KCNB2: variants seen among roughly 807,000 people sequenced by gnomAD.
KCNB2 encodes the protein delayed rectifier potassium channel protein.
In KCNB2, 15 loss-of-function variants were observed where a neutral mutation model predicts 61.5. That is an observed-to-expected ratio of 0.24 (90% CI 0.16 to 0.38). The LOEUF (loss-of-function observed/expected upper bound fraction) is 0.38, where lower values mean the gene tolerates loss of function less well. Ranked by LOEUF, KCNB2 falls within the 10% of genes least tolerant of loss-of-function variation. The probability of loss-of-function intolerance (pLI) is 1.00; values close to 1 mark genes in which losing one functional copy is unlikely to be tolerated. For synonymous variants in KCNB2, 457 were observed against 446.0 expected (o/e 1.02, Z -0.31); for missense variants, 828 against 1,125.2 (o/e 0.74, Z 3.78).
chr8:72,660,416 T>G (rs1806359917), intron 2 of KCNB2, among the ~76,000 whole-genome samples: 2 of 152,210 alleles, frequency 1.3e-5, no homozygotes, highest in Non-Finnish European at 2.9e-5. Flanking sequence ...CCTGACTTCC[T>G]GTGCCATCAC....
intron 1 of KCNB2, among the ~76,000 whole-genome samples, chr8:72,542,737 A>G (rs994330847): frequency 6.6e-6 from 1 of 152,166 alleles, no homozygotes; most frequent in Non-Finnish European, 1.5e-5. Context: ...AGGAAGCGAT[A>G]TAAGAGTGAT....
intron 2 of KCNB2, among the ~76,000 whole-genome samples, chr8:72,841,356 C>A: frequency 1.0e-5 from 1 of 99,784 alleles, no homozygotes; most frequent in African/African-American, 4.5e-5. Flanking sequence ...ACTTTGTTTT[C>A]TTTTCTTTTT....
At chr8:72,821,165 C>G (rs1188868259) in intron 2 of KCNB2, among the ~76,000 whole-genome samples, 1 of 152,192 alleles carries the variant, frequency 6.6e-6, no homozygotes, top group Non-Finnish European at 1.5e-5. Flanking sequence ...CTGCGACTTT[C>G]TTTTGCTCCT....
chr8:72,840,712 A>C (rs1403128086), intron 2 of KCNB2, among the ~76,000 whole-genome samples: 2 of 152,168 alleles, frequency 1.3e-5, no homozygotes, highest in African/African-American at 4.8e-5. Context: ...TCTTCTTTTG[A>C]GAAGTGTCTG....
Position 72,937,684 on chromosome 8 carries a change from T to G in KCNB2, c.2329T>G (p.Cys777Gly), listed in dbSNP as rs1320153769. ...PLLGTEVSAP[C>G]QGPSKGLSPR... ...GCTGGGCACTGAGGTTTCAGCGCCT[T>G]GTCAGGGACCTTCCAAAGGGCTGTC... The change falls in exon 3 of 3, where the codon TGT becomes GGT. Residue 777 changes from cysteine to glycine, a missense_variant. By Grantham distance (159) the Cys-to-Gly change is radical. Transcript: ENST00000523207. 1.2e-6 allele frequency: 2 copies of G among 1,613,954 alleles called. No individual in the cohort carries two copies. Among genetic ancestry groups the G allele is most frequent in the Non-Finnish European group, 1.7e-6 (2 of 1,179,966 alleles).
intron 2 of KCNB2, among the ~76,000 whole-genome samples, chr8:72,828,945 C>T (rs1002954): frequency 0.2 from 30,237 of 152,046 alleles, 3,743 homozygotes; most frequent in Non-Finnish European, 0.28. Flanking sequence ...TGTATGTTGA[C>T]CTGTGTGCAT....
intron 2 of KCNB2, among the ~76,000 whole-genome samples, chr8:72,907,426 GGAGGAGGAGGAA>G (rs897300447): frequency 6.6e-6 from 1 of 151,942 alleles, no homozygotes; most frequent in African/African-American, 2.4e-5. Context: ...AAAAGTAGAA[GGAGGAGGAGGAA>G]GAGGAAGAGG....
At chr8:72,616,791 G>A (rs1805625885) in intron 2 of KCNB2, among the ~76,000 whole-genome samples, 1 of 152,198 alleles carries the variant, frequency 6.6e-6, no homozygotes, top group Admixed American at 6.5e-5. Flanking sequence ...GGAGCACAGA[G>A]AGAAAATTAA....
intron 2 of KCNB2, among the ~76,000 whole-genome samples, chr8:72,599,757 AC>A (rs1203983044): frequency 6.6e-6 from 1 of 152,182 alleles, no homozygotes; most frequent in Admixed American, 6.5e-5. Flanking sequence ...CAATAAAAAA[AC>A]AAACAACCCC....
At chr8:72,745,636 C>T (rs1290306501) in intron 2 of KCNB2, among the ~76,000 whole-genome samples, 1 of 152,164 alleles carries the variant, frequency 6.6e-6, no homozygotes, top group African/African-American at 2.4e-5. Flanking sequence ...CAACCATGGA[C>T]ATTCAACCTG....
chr8:72,704,744 C>T lies in KCNB2; in HGVS notation c.579+136431C>T, dbSNP rs957017033. 5.9e-5 allele frequency among the ~76,000 whole-genome samples: 9 copies of T among 152,210 alleles called. No homozygotes were observed. The South Asian group carries it at 1.7e-3, about 28-fold the overall frequency. On this transcript the variant is annotated intron_variant, in intron 2 of 2. Coordinates refer to ENST00000523207, the MANE Select transcript of KCNB2 (RefSeq NM_004770.3). ...AGTGACTCCAAATACAGTCATCCTT[C>T]AGTATGCACAGTACTTGATTCCAAC...
intron 2 of KCNB2, among the ~76,000 whole-genome samples, chr8:72,586,803 A>T (rs890336357): frequency 2.6e-5 from 4 of 152,214 alleles, no homozygotes; most frequent in African/African-American, 9.6e-5. Flanking sequence ...GGCAAACTAT[A>T]GTCAACAATC....
At chr8:72,713,722 G>C (rs1807368327) in intron 2 of KCNB2, among the ~76,000 whole-genome samples, 1 of 152,156 alleles carries the variant, frequency 6.6e-6, no homozygotes, top group Non-Finnish European at 1.5e-5. Context: ...AAACAGAGCA[G>C]AAAAACCAGA....
chr8:72,571,933 C>T (rs1439412867), intron 2 of KCNB2, among the ~76,000 whole-genome samples: 1 of 152,188 alleles, frequency 6.6e-6, no homozygotes, highest in East Asian at 1.9e-4. Flanking sequence ...TTTTCCTTGG[C>T]CTCTTCCCAA....
At chr8:72,739,319 G>A (rs934629616) in intron 2 of KCNB2, among the ~76,000 whole-genome samples, 1 of 151,590 alleles carries the variant, frequency 6.6e-6, no homozygotes, top group African/African-American at 2.4e-5. Context: ...AGGCACTGGG[G>A]ACAAAAATAT....
chr8:72,929,238 C>CA (rs1318620804), intron 2 of KCNB2, among the ~76,000 whole-genome samples: 4 of 152,116 alleles, frequency 2.6e-5, no homozygotes. Flanking sequence ...CCATTATCTT[C>CA]AAAGGACTAA....
intron 2 of KCNB2, among the ~76,000 whole-genome samples, chr8:72,725,120 A>G (rs2128993029): frequency 1.3e-5 from 2 of 152,302 alleles, no homozygotes; most frequent in Middle Eastern, 6.8e-3. Flanking sequence ...TGTTTGCAGC[A>G]AAAGAATAAT....
At chr8:72,870,350 T>C (rs936824669) in intron 2 of KCNB2, among the ~76,000 whole-genome samples, 1 of 152,208 alleles carries the variant, frequency 6.6e-6, no homozygotes, top group Non-Finnish European at 1.5e-5. Context: ...CTTACTGCAG[T>C]AAAAATACAT....
At chr8:72,632,371 T>C (rs947227723) in intron 2 of KCNB2, among the ~76,000 whole-genome samples, 1 of 152,184 alleles carries the variant, frequency 6.6e-6, no homozygotes, top group Non-Finnish European at 1.5e-5. Flanking sequence ...ACAGCCACAC[T>C]CACTCATTTG....
Sources: gnomAD v4.1 joint callset for allele counts (sites outside exome capture counted in the v4.1 genomes callset) on GRCh38, gnomAD v4.1.1 for gene constraint, MANE v1.5 for transcripts, NCBI Gene and HGNC (gene_info 2026-07-23, HGNC 2026-07-21) for gene names.